FAM83B: variants seen among roughly 807,000 people sequenced by gnomAD.
FAM83B encodes protein FAM83B.
A neutral mutation model predicts 38.8 loss-of-function variants in FAM83B; 26 were observed. That is an observed-to-expected ratio of 0.67 (90% CI 0.49 to 0.93). FAM83B has a LOEUF of 0.93. FAM83B is among the 40% of genes least tolerant of loss of function. The pLI is 0.00. For missense variants in FAM83B, 1,237 were observed against 1,197.3 expected (o/e 1.03, Z -0.49); for synonymous variants, 419 against 423.1 (o/e 0.99, Z 0.12).
At chr6:54,888,734 T>C (rs796227709) in intron 2 of FAM83B, among the ~76,000 whole-genome samples, 14 of 150,992 alleles carry the variant, frequency 9.3e-5, no homozygotes, top group African/African-American at 3.2e-4. Context: ...AGTTTTTAAA[T>C]TTTTTTTTTC....
intron 4 of FAM83B, among the ~76,000 whole-genome samples, chr6:54,938,073 T>C (rs999477221): frequency 6.6e-6 from 1 of 152,102 alleles, no homozygotes. Flanking sequence ...CTTCAGACTT[T>C]GCATCTTCAT....
At chr6:54,865,894 T>TA (rs1240827101) in intron 1 of FAM83B, among the ~76,000 whole-genome samples, 1 of 151,954 alleles carries the variant, frequency 6.6e-6, no homozygotes, top group African/African-American at 2.4e-5. Flanking sequence ...TTTCAAATCT[T>TA]AAAATCTCTT....
At chr6:54,929,814 G>A (rs1773382045) in intron 4 of FAM83B, among the ~76,000 whole-genome samples, 1 of 151,926 alleles carries the variant, frequency 6.6e-6, no homozygotes, top group Non-Finnish European at 1.5e-5. Context: ...TAGTGGAGCT[G>A]GGAGTAGACA....
chr6:54,898,487 A>AT (rs1772587002), intron 2 of FAM83B, among the ~76,000 whole-genome samples: 1 of 152,184 alleles, frequency 6.6e-6, no homozygotes, highest in Non-Finnish European at 1.5e-5. Context: ...GCTGCCCATC[A>AT]TTGCTAGTTC....
intron 2 of FAM83B, among the ~76,000 whole-genome samples, chr6:54,910,971 A>G (rs959432246): frequency 1.3e-5 from 2 of 152,284 alleles, no homozygotes; most frequent in Admixed American, 6.5e-5. Flanking sequence ...CATACCTAAG[A>G]TGATCTCAGC....
At chr6:54,848,045 GGAGA>G (rs1202062360) in intron 1 of FAM83B, among the ~76,000 whole-genome samples, 1 of 151,096 alleles carries the variant, frequency 6.6e-6, no homozygotes, top group Non-Finnish European at 1.5e-5. Context: ...CAACAGGAAG[GGAGA>G]GAGTGATGAA....
chr6:54,923,795 C>T (rs907884128), intron 2 of FAM83B, among the ~76,000 whole-genome samples: 4 of 151,992 alleles, frequency 2.6e-5, no homozygotes, highest in African/African-American at 4.8e-5. Flanking sequence ...ATACTTAGCC[C>T]TCTGGCTTCA....
chr6:54,904,584 A>C (rs1772735342), intron 2 of FAM83B, among the ~76,000 whole-genome samples: 1 of 152,184 alleles, frequency 6.6e-6, no homozygotes, highest in Admixed American at 6.6e-5. Context: ...ACATATGGAT[A>C]TGGCTTCACC....
At chr6:54,911,309 A>G (rs1772905221) in intron 2 of FAM83B, among the ~76,000 whole-genome samples, 3 of 152,046 alleles carry the variant, frequency 2.0e-5, no homozygotes, top group Admixed American at 2.0e-4. Context: ...AAAGAAAAAA[A>G]AAAACAAAAG....
chr6:54,855,036 A>T (rs962796450), intron 1 of FAM83B, among the ~76,000 whole-genome samples: 2 of 152,220 alleles, frequency 1.3e-5, no homozygotes, highest in African/African-American at 4.8e-5. Flanking sequence ...AATTATAAAC[A>T]TCCTGTCACT....
intron 2 of FAM83B, among the ~76,000 whole-genome samples, chr6:54,916,139 C>T (rs1163046257): frequency 2.6e-5 from 4 of 152,138 alleles, no homozygotes; most frequent in East Asian, 3.9e-4. Flanking sequence ...AGCTTCTGCT[C>T]CTATTCCCCA....
At chr6:54,853,543 GTGC>G (rs1771363331) in intron 1 of FAM83B, among the ~76,000 whole-genome samples, 2 of 152,108 alleles carry the variant, frequency 1.3e-5, no homozygotes, top group Non-Finnish European at 2.9e-5. Flanking sequence ...TAGTCTGCCT[GTGC>G]TCTGTAAATG....
chr6:54,905,204 T>C (rs1772751651), intron 2 of FAM83B, among the ~76,000 whole-genome samples: 4 of 152,152 alleles, frequency 2.6e-5, no homozygotes, highest in Admixed American at 2.6e-4. Context: ...TTTGGAACTG[T>C]TGGCCCCTGC....
chr6:54,901,864 A>G lies in FAM83B; in HGVS notation c.445-24507A>G, dbSNP rs1402439794. Among the ~76,000 whole-genome samples the G allele has an allele frequency of 3.3e-5, 5 of 152,138 alleles. No homozygotes were observed. The South Asian group carries it at 6.2e-4, about 19-fold the overall frequency. ...ATGACAAACAGCTAATTTGAAGACT[A>G]TATTTCCTTCCTGTAAGCCCTATTT... On this transcript the variant is annotated intron_variant, in intron 2 of 4. Transcript: ENST00000306858.
Position 54,889,241 on chromosome 6 carries a change from T to C in FAM83B, c.444+18551T>C, listed in dbSNP as rs561868241. 2.0e-5 allele frequency among the ~76,000 whole-genome samples: 3 copies of C among 152,246 alleles called. No homozygotes were observed. In the South Asian group the frequency reaches 6.2e-4, roughly 32 times the overall value. ...ATTACCTGTAAGCCTGTTTCTTTTG[T>C]CTGTTTTTATTTTCTTATTTTAAGC... On this transcript the variant is annotated intron_variant, in intron 2 of 4. Coordinates refer to ENST00000306858, the MANE Select transcript of FAM83B (RefSeq NM_001010872.3).
chr6:54,868,520 A>T (rs1472633974), intron 1 of FAM83B, among the ~76,000 whole-genome samples: 1 of 152,218 alleles, frequency 6.6e-6, no homozygotes, highest in Non-Finnish European at 1.5e-5. Flanking sequence ...ATTAAGTAAC[A>T]AAAGAAATTT....
chr6:54,847,274 TGG>T (rs563221963), intron 1 of FAM83B, among the ~76,000 whole-genome samples: 1 of 130,882 alleles, frequency 7.6e-6, no homozygotes, highest in Admixed American at 7.7e-5. Context: ...GGCATGGGGG[TGG>T]GGGGTTCCGG....
intron 1 of FAM83B, among the ~76,000 whole-genome samples, chr6:54,863,960 T>A (rs1171910354): frequency 6.6e-6 from 1 of 152,204 alleles, no homozygotes; most frequent in Non-Finnish European, 1.5e-5. Flanking sequence ...GTAGTTTAGA[T>A]GTTGGTAAAA....
At chr6:54,888,615 AC>A (rs1248232977) in intron 2 of FAM83B, among the ~76,000 whole-genome samples, 1 of 151,720 alleles carries the variant, frequency 6.6e-6, no homozygotes, top group African/African-American at 2.4e-5. Context: ...AACTCTTCTG[AC>A]TTTTATTGTT....
Sources: gnomAD v4.1 joint callset for allele counts (sites outside exome capture counted in the v4.1 genomes callset) on GRCh38, gnomAD v4.1.1 for gene constraint, MANE v1.5 for transcripts, NCBI Gene and HGNC (gene_info 2026-07-23, HGNC 2026-07-21) for gene names.